The following PRDM5 variants were observed in gnomAD, a reference collection of about 807,000 sequenced individuals.
PRDM5 encodes PR domain zinc finger protein 5.
In PRDM5, 56 loss-of-function variants were observed where a neutral mutation model predicts 81.2. The observed-to-expected ratio is 0.69, with a 90% CI of 0.56 to 0.86. The LOEUF (loss-of-function observed/expected upper bound fraction) is 0.86. PRDM5 is among the 40% of genes least tolerant of loss of function. The pLI, the probability that PRDM5 is intolerant of heterozygous loss-of-function variation, is 0.00. For synonymous variants in PRDM5, 267 were observed against 256.4 expected (o/e 1.04, Z -0.39); for missense variants, 697 against 770.1 (o/e 0.91, Z 1.12).
chr4:120,740,060 T>A (rs1741691338), intron 14 of PRDM5, among the ~76,000 whole-genome samples: 1 of 152,210 alleles, frequency 6.6e-6, no homozygotes. Flanking sequence ...GAATGCTCAA[T>A]TTCATGCAGG....
chr4:120,845,440 G>A (rs1338006601), intron 3 of PRDM5, among the ~76,000 whole-genome samples: 3 of 152,228 alleles, frequency 2.0e-5, no homozygotes, highest in Middle Eastern at 3.4e-3. Flanking sequence ...CTTAATAATT[G>A]TGCTAAATCT....
At chr4:120,878,575 A>C (rs989429456) in intron 2 of PRDM5, among the ~76,000 whole-genome samples, 2 of 152,192 alleles carry the variant, frequency 1.3e-5, no homozygotes, top group Non-Finnish European at 1.5e-5. Context: ...GTTTGACTTT[A>C]TTAAAATTAA....
rs1749695859 is a variant in PRDM5, at chr4:120,785,798, AT to A, written c.1189-708del. On this transcript the variant is annotated intron_variant, in intron 10 of 15. Transcript: ENST00000264808. ...CGGTAACTTGGGAAGGTCAAACAGC[AT>A]AGATTTCCCAAACAATATTAAGCAC... 2.6e-5 allele frequency among the ~76,000 whole-genome samples: 4 copies of A among 152,292 alleles called. No individual in the cohort carries two copies. In the South Asian group the frequency reaches 8.3e-4, roughly 32 times the overall value.
intron 15 of PRDM5, among the ~76,000 whole-genome samples, chr4:120,708,256 T>A (rs1374535874): frequency 2.6e-5 from 4 of 152,048 alleles, no homozygotes; most frequent in African/African-American, 9.7e-5. Context: ...CAACAACAGA[T>A]GAATGGATAA....
Position 120,849,430 on chromosome 4 carries a change from G to A in PRDM5, c.300+3988C>T, listed in dbSNP as rs558843998. Among the ~76,000 whole-genome samples, 13 of 152,270 alleles carry A rather than the reference G, an allele frequency of 8.5e-5. No homozygotes were observed. In the South Asian group the frequency reaches 2.7e-3, roughly 32 times the overall value. ...AAACTGACAGCAGAATTGGGGCAGA[G>A]CTGTGAGAATATCTTGGCTCAATAC... On this transcript the variant is annotated intron_variant, in intron 3 of 15. Transcript: ENST00000264808.
At chr4:120,859,445 G>A (rs571782601) in intron 2 of PRDM5, among the ~76,000 whole-genome samples, 29 of 152,070 alleles carry the variant, frequency 1.9e-4, no homozygotes, top group African/African-American at 6.7e-4. Context: ...GGCTGGTCTC[G>A]AATTCTTGGG....
At chr4:120,886,250 A>G (rs1457166187) in intron 2 of PRDM5, among the ~76,000 whole-genome samples, 3 of 152,268 alleles carry the variant, frequency 2.0e-5, no homozygotes, top group African/African-American at 7.2e-5. Context: ...ACATTTGGTA[A>G]AAAGAATTAT....
intron 2 of PRDM5, among the ~76,000 whole-genome samples, chr4:120,867,308 T>G (rs570057419): frequency 9.8e-5 from 15 of 152,310 alleles, no homozygotes; most frequent in African/African-American, 3.6e-4. Context: ...CTTCATAAAT[T>G]TTAATACTAA....
rs746964088 is a variant in PRDM5, at chr4:120,692,942, C to T, written c.*2169G>A. On this transcript the variant is annotated 3_prime_UTR_variant, in exon 16 of 16. Coordinates refer to ENST00000264808, the MANE Select transcript of PRDM5 (RefSeq NM_018699.4). The stretch of plus-strand genomic sequence containing the variant: ...TCTGAAACTACCCATGAATACTTGT[C>T]TTTTGGATAAAAATTTACAGCATAC... 1.4e-4 allele frequency: 21 copies of T among 152,044 alleles called. No homozygotes were observed. The highest frequency in any genetic ancestry group is 2.4e-4 in the Non-Finnish European group (16 of 67,998). 9.4% of individuals were successfully genotyped at this position (152,044 alleles called of 1,614,324 possible).
At chr4:120,870,583 G>A (rs1050063332) in intron 2 of PRDM5, among the ~76,000 whole-genome samples, 4 of 152,100 alleles carry the variant, frequency 2.6e-5, no homozygotes, top group Non-Finnish European at 5.9e-5. Context: ...GAGTGAGTAC[G>A]GATGAGAAAA....
intron 11 of PRDM5, among the ~76,000 whole-genome samples, chr4:120,784,340 A>T (rs1317963236): frequency 6.6e-6 from 1 of 152,156 alleles, no homozygotes; most frequent in African/African-American, 2.4e-5. Flanking sequence ...AAGAAATCTG[A>T]GACAGTAGCA....
intron 3 of PRDM5, among the ~76,000 whole-genome samples, chr4:120,834,377 C>T (rs1757101570): frequency 6.6e-6 from 1 of 152,074 alleles, no homozygotes; most frequent in South Asian, 2.1e-4. Context: ...CTAGAGAGCT[C>T]CCTTACTTTC....
intron 3 of PRDM5, among the ~76,000 whole-genome samples, chr4:120,826,646 G>A (rs1171646214): frequency 6.6e-6 from 1 of 152,134 alleles, no homozygotes; most frequent in Non-Finnish European, 1.5e-5. Flanking sequence ...TTAATAAAAA[G>A]CTTACTCAGC....
intron 2 of PRDM5, among the ~76,000 whole-genome samples, chr4:120,876,892 A>G (rs996440254): frequency 5.9e-5 from 9 of 152,198 alleles, no homozygotes; most frequent in Non-Finnish European, 1.2e-4. Context: ...AAAATTTACA[A>G]TGTGGGCCAT....
intron 1 of PRDM5, among the ~76,000 whole-genome samples, chr4:120,685,365 T>C (rs1357150324): frequency 2.0e-5 from 3 of 152,070 alleles, no homozygotes; most frequent in Non-Finnish European, 2.9e-5. Context: ...ATATCTTCTT[T>C]TGATGTTTTA....
chr4:120,884,609 C>A (rs1453105942), intron 2 of PRDM5, among the ~76,000 whole-genome samples: 1 of 152,086 alleles, frequency 6.6e-6, no homozygotes, highest in Non-Finnish European at 1.5e-5. Flanking sequence ...AATCCAGCAC[C>A]CAGTACAAAA....
At chr4:120,824,539 A>C (rs1377860598) in intron 3 of PRDM5, among the ~76,000 whole-genome samples, 1 of 152,210 alleles carries the variant, frequency 6.6e-6, no homozygotes, top group Non-Finnish European at 1.5e-5. Context: ...CAGTTTTCAA[A>C]GCATTATAAT....
At chr4:120,735,229 T>A (rs1740941220) in intron 14 of PRDM5, among the ~76,000 whole-genome samples, 1 of 152,252 alleles carries the variant, frequency 6.6e-6, no homozygotes. Context: ...AAAGGCCCTG[T>A]GTCACCATGG....
At chr4:120,895,900 T>C (rs1764568133) in intron 2 of PRDM5, among the ~76,000 whole-genome samples, 1 of 152,200 alleles carries the variant, frequency 6.6e-6, no homozygotes, top group South Asian at 2.1e-4. Flanking sequence ...CTGAGTCCCA[T>C]TTAACTTCAG....
Sources: gnomAD v4.1 joint callset for allele counts (sites outside exome capture counted in the v4.1 genomes callset) on GRCh38, gnomAD v4.1.1 for gene constraint, MANE v1.5 for transcripts, NCBI Gene and HGNC (gene_info 2026-07-23, HGNC 2026-07-21) for gene names.